Variants in RPL23 observed in about 807,000 individuals in gnomAD.
RPL23 encodes large ribosomal subunit protein uL14.
For synonymous variants in RPL23, 63 were observed against 65.3 expected, an observed-to-expected ratio of 0.97 and a Z score of 0.17; for missense variants, 79 against 178.8, an observed-to-expected ratio of 0.44 and a Z score of 3.18.
intron 1 of RPL23, 131 bp from the exon 2 acceptor site, chr17:38,853,236 C>G (rs1261428541): frequency 1.3e-6 from 1 of 745,356 alleles, no homozygotes. Flanking sequence ...GATTAGCTCG[C>G]TCGGATTTTA....
intron 1 of RPL23, 101 bp downstream of exon 1, chr17:38,853,597 G>A (rs1913070464): frequency 3.5e-6 from 5 of 1,444,668 alleles, no homozygotes; most frequent in Non-Finnish European, 4.9e-6. Flanking sequence ...CCGGCCTGAA[G>A]GAGAGCAAAG....
chr17:38,853,608 C>A (rs1313714599), intron 1 of RPL23, 90 bp downstream of exon 1: 6 of 1,515,880 alleles, frequency 4.0e-6, no homozygotes, highest in Non-Finnish European at 5.5e-6. Flanking sequence ...GAGAGCAAAG[C>A]GCCCCAGCTG....
chr17:38,853,198 C>G (rs767633241), intron 1 of RPL23, 93 bp from the exon 2 acceptor site: 95 of 956,044 alleles, frequency 9.9e-5, no homozygotes, highest in Non-Finnish European at 1.4e-4. Context: ...TAATTCACCG[C>G]ACATGCTTTG....
Position 38,848,106 on chromosome 17 carries a change from T to A in RPL23, c.*2026A>T, listed in dbSNP as rs1912907728. 6.7e-7 allele frequency: 1 copy of A among 1,500,582 alleles called. No homozygotes were observed. The highest frequency in any genetic ancestry group is 8.9e-7 in the Non-Finnish European group (1 of 1,125,922). The allele number at this position is 1,500,582 out of a possible 1,614,324, so 93.0% of individuals were successfully genotyped here. Reference sequence around the variant, plus strand: ...AAAAACAGCAGCGATTAGTGGTTAATATATAAGGATCATATATTGCCATAA... The same window carrying A: ...AAAAACAGCAGCGATTAGTGGTTAAAATATAAGGATCATATATTGCCATAA... On this transcript the variant is annotated 3_prime_UTR_variant, in exon 5 of 5. Coordinates refer to ENST00000479035, the MANE Select transcript of RPL23 (RefSeq NM_000978.4).
intron 2 of RPL23, 93 bp from the exon 3 acceptor site, chr17:38,852,825 C>T (rs1183565014): frequency 3.2e-6 from 5 of 1,565,272 alleles, no homozygotes; most frequent in Non-Finnish European, 4.4e-6. Flanking sequence ...AAAGCCCCTC[C>T]CTCCACTCAC....
At position 38,853,692 on chromosome 17, in the gene RPL23, C is replaced by G; in HGVS notation, c.13+6G>C. The stretch of plus-strand genomic sequence containing the variant: ...GGTGGAGGATCCTCCAGAAACAAAA[C>G]CTCACCTCGCTTCGACATCTTGAAC... On this transcript the variant is annotated splice_donor_region_variant and intron_variant, in intron 1 of 4. Transcript: ENST00000479035. 1 of 1,614,168 alleles carries G rather than the reference C, an allele frequency of 6.2e-7. No individual in the cohort carries two copies. The highest frequency in any genetic ancestry group is 8.5e-7 in the Non-Finnish European group (1 of 1,180,038).
rs1598092761 is a variant in RPL23, at chr17:38,850,599, C to T, written c.227-124G>A. 3 of 676,040 alleles carry T rather than the reference C, an allele frequency of 4.4e-6. No individual in the cohort carries two copies. The East Asian group carries it at 7.9e-5, about 18-fold the overall frequency. The allele number at this position is 676,040 out of a possible 1,614,324, so 41.9% of individuals were successfully genotyped here. A position where few individuals can be genotyped will look rare whatever the true frequency, so the allele number is the denominator to read the frequency against. Reference sequence around the variant, plus strand: ...AGACAGTGACAGTGTAAATATCAATCTTCAAGGTGATCCTCCCACCTCAGC... The same window carrying T: ...AGACAGTGACAGTGTAAATATCAATTTTCAAGGTGATCCTCCCACCTCAGC... On this transcript the variant is annotated intron_variant, in intron 3 of 4. Coordinates refer to ENST00000479035, the MANE Select transcript of RPL23 (RefSeq NM_000978.4).
At position 38,849,177 on chromosome 17, in the gene RPL23, C is replaced by T. The variant is rs895453568; in HGVS notation, c.*955G>A. On this transcript the variant is annotated 3_prime_UTR_variant, in exon 5 of 5. Coordinates refer to ENST00000479035, the MANE Select transcript of RPL23 (RefSeq NM_000978.4). ...AGGTACCATCAACTTAATCATCTTC[C>T]ACTATGACAGTAAACCTACATGGCA... 6.6e-6 allele frequency: 1 copy of T among 152,186 alleles called. No homozygotes were observed. Among genetic ancestry groups the T allele is most frequent in the Non-Finnish European group, 1.5e-5 (1 of 68,040 alleles). The allele number at this position is 152,186 out of a possible 1,614,324, so 9.4% of individuals were successfully genotyped here.
At chr17:38,850,722 T>C (rs930136465) in intron 3 of RPL23, 2 of 408,176 alleles carry the variant, frequency 4.9e-6, no homozygotes, top group Non-Finnish European at 8.8e-6. Context: ...AAGCCTGGCC[T>C]CCCAAAGTGC....
In RPL23 at chr17:38,848,160, G is replaced by GT; in HGVS notation, c.*1971_*1972insA. 1 of 1,290,870 alleles carries GT rather than the reference G, an allele frequency of 7.7e-7. No individual in the cohort carries two copies. The highest frequency in any genetic ancestry group is 2.0e-5 in the South Asian group (1 of 50,066). 80.0% of individuals were successfully genotyped at this position (1,290,870 alleles called of 1,614,324 possible). Reference sequence around the variant, plus strand: ...ATAAAGACATAAATGGTGGGCCTAGGGGCTTGTCACACTAAAGCTGACTTG... The same window carrying GT: ...ATAAAGACATAAATGGTGGGCCTAGGTGGCTTGTCACACTAAAGCTGACTTG... On this transcript the variant is annotated 3_prime_UTR_variant, in exon 5 of 5. Coordinates refer to ENST00000479035, the MANE Select transcript of RPL23 (RefSeq NM_000978.4).
chr17:38,848,066 GA>G lies in RPL23; in HGVS notation c.*2065del. On this transcript the variant is annotated 3_prime_UTR_variant, in exon 5 of 5. Transcript: ENST00000479035. Reference sequence around the variant, plus strand: ...TGTGTGACAGAGCAAGACTGCCTCAGAAAAGATAACATTCAAAAACAGCAGC... The same window carrying G: ...TGTGTGACAGAGCAAGACTGCCTCAGAAAGATAACATTCAAAAACAGCAGC... 1 of 1,534,422 alleles carries G rather than the reference GA, an allele frequency of 6.5e-7. No homozygotes were observed. Among genetic ancestry groups the G allele is most frequent in the Non-Finnish European group, 8.8e-7 (1 of 1,141,640 alleles).
At chr17:38,853,146 C>T (rs755779594) in intron 1 of RPL23, 41 bp from the exon 2 acceptor site, 2 of 1,495,606 alleles carry the variant, frequency 1.3e-6, no homozygotes, top group Non-Finnish European at 1.9e-6. Flanking sequence ...AAAGAGATCA[C>T]AATCTAGACA....
In RPL23 at chr17:38,848,090, A is replaced by G. The variant is rs1912907277; in HGVS notation, c.*2042T>C. On this transcript the variant is annotated 3_prime_UTR_variant, in exon 5 of 5. Coordinates refer to ENST00000479035, the MANE Select transcript of RPL23 (RefSeq NM_000978.4). ...AGAAAAGATAACATTCAAAAACAGC[A>G]GCGATTAGTGGTTAATATATAAGGA... 9.8e-6 allele frequency: 15 copies of G among 1,527,910 alleles called. No homozygotes were observed. The highest frequency in any genetic ancestry group is 2.0e-4 in the Middle Eastern group (1 of 4,888). 94.6% of individuals were successfully genotyped at this position (1,527,910 alleles called of 1,614,324 possible). A position where few individuals can be genotyped will look rare whatever the true frequency, so the allele number is the denominator to read the frequency against.
chr17:38,853,282 G>GAA, intron 1 of RPL23, 177 bp from the exon 2 acceptor site: 1 of 652,372 alleles, frequency 1.5e-6, no homozygotes, highest in Non-Finnish European at 2.8e-6. Context: ...GATTCTCACG[G>GAA]AAAGTAGCCT....
chr17:38,852,487 C>A, intron 3 of RPL23, 117 bp downstream of exon 3: 2 of 1,306,358 alleles, frequency 1.5e-6, no homozygotes, highest in South Asian at 1.4e-5. Flanking sequence ...ATACTTATCT[C>A]ACACTGCCTC....
At chr17:38,853,250 A>G (rs1913058014) in intron 1 of RPL23, 145 bp from the exon 2 acceptor site, 5 of 698,340 alleles carry the variant, frequency 7.2e-6, no homozygotes, top group Non-Finnish European at 1.3e-5. Flanking sequence ...GATTTTACTT[A>G]TGCCGTCCCC....
chr17:38,850,258 G>C, intron 4 of RPL23, 44 bp from the exon 5 acceptor site: 1 of 1,555,466 alleles, frequency 6.4e-7, no homozygotes, highest in East Asian at 2.3e-5. Context: ...AACATGTGGG[G>C]GACAGATTAA....
rs116609519 is a variant in RPL23 at position 38,849,702 on chromosome 17, A to G, written c.*430T>C. 2,210 of 158,392 alleles carry G rather than the reference A, an allele frequency of 0.014. 51 individuals carry two copies. Among genetic ancestry groups the G allele is most frequent in the African/African-American group, 0.047 (1,943 of 41,534 alleles). The allele number at this position is 158,392 out of a possible 1,614,324, so 9.8% of individuals were successfully genotyped here. Reference sequence around the variant, plus strand: ...AGCCAGTCATTGAGCAGTATCTACTATTATTTTTGGGACTCAAAACCCAAA... The same window carrying G: ...AGCCAGTCATTGAGCAGTATCTACTGTTATTTTTGGGACTCAAAACCCAAA... On this transcript the variant is annotated 3_prime_UTR_variant, in exon 5 of 5. Transcript: ENST00000479035.
intron 2 of RPL23, 27 bp downstream of exon 2, chr17:38,852,995 G>T (rs762165920): frequency 1.9e-6 from 3 of 1,600,322 alleles, no homozygotes; most frequent in Non-Finnish European, 1.7e-6. Flanking sequence ...TTAAAAGGGG[G>T]AGTATAGCAA....
Sources: gnomAD v4.1 joint callset for allele counts on GRCh38, gnomAD v4.1.1 for gene constraint, MANE v1.5 for transcripts, NCBI Gene and HGNC (gene_info 2026-07-23, HGNC 2026-07-21) for gene names.